The following NELL1 variants were observed in gnomAD, a reference collection of about 807,000 sequenced individuals.
NELL1 encodes the protein neural EGFL like 1, also known as protein kinase C-binding protein NELL1.
Under a neutral mutation model 107.4 loss-of-function variants are expected in NELL1, and 76 were observed. The observed-to-expected ratio is 0.71, with a 90% CI of 0.59 to 0.86. The LOEUF is 0.86. NELL1 is among the 40% of genes least tolerant of loss of function. The pLI, the probability that NELL1 is intolerant of heterozygous loss-of-function variation, is 0.00. For synonymous variants in NELL1, 353 were observed against 341.2 expected (o/e 1.03, Z -0.38); for missense variants, 1,024 against 1,005.5 (o/e 1.02, Z -0.25).
At chr11:20,932,869 G>A (rs1371736538) in intron 9 of NELL1, among the ~76,000 whole-genome samples, 2 of 152,194 alleles carry the variant, frequency 1.3e-5, no homozygotes, top group African/African-American at 4.8e-5. Flanking sequence ...AGACACAGAA[G>A]TCACACAGAG....
At chr11:21,304,938 C>T (rs1200650087) in intron 14 of NELL1, among the ~76,000 whole-genome samples, 1 of 151,860 alleles carries the variant, frequency 6.6e-6, no homozygotes, top group African/African-American at 2.4e-5. Context: ...AACAAGAAGA[C>T]ATTGGTGTAC....
chr11:20,684,777 A>G (rs1235182568), intron 2 of NELL1, among the ~76,000 whole-genome samples: 1 of 152,100 alleles, frequency 6.6e-6, no homozygotes, highest in Non-Finnish European at 1.5e-5. Flanking sequence ...ATGGGCCCAG[A>G]GAAGTGCTAG....
At chr11:20,818,384 C>T (rs886254359) in intron 3 of NELL1, among the ~76,000 whole-genome samples, 1 of 145,100 alleles carries the variant, frequency 6.9e-6, no homozygotes, top group Admixed American at 7.0e-5. Context: ...TGTTTCATCC[C>T]ATATAAGAGA....
At chr11:21,122,400 C>G (rs1855389129) in intron 13 of NELL1, among the ~76,000 whole-genome samples, 2 of 152,198 alleles carry the variant, frequency 1.3e-5, no homozygotes, top group African/African-American at 2.4e-5. Context: ...GGACATTTCT[C>G]TTTAACAACC....
At chr11:21,170,183 A>C in intron 13 of NELL1, 1 of 591,914 alleles carries the variant, frequency 1.7e-6, no homozygotes, top group Non-Finnish European at 3.1e-6. Flanking sequence ...CAGGTGAATT[A>C]GAATAATCCC....
At position 20,857,307 on chromosome 11, in the gene NELL1, G is replaced by GC. The variant is rs572994070; in HGVS notation, c.506+9560dup. ...TAAAACCGTATTTCACCTGCCTATAGCCCCCCGAGTGTTCTTTCAGCCATT... is the reference window on the plus strand; with the variant it reads ...TAAAACCGTATTTCACCTGCCTATAGCCCCCCCGAGTGTTCTTTCAGCCATT... On this transcript the variant is annotated intron_variant, in intron 4 of 19. Transcript: ENST00000357134. Among the ~76,000 whole-genome samples the GC allele has an allele frequency of 5.9e-5, 9 of 152,176 alleles. No homozygotes were observed. The East Asian group carries it at 9.7e-4, about 16-fold the overall frequency.
chr11:20,970,361 A>G (rs1232048254), intron 12 of NELL1, among the ~76,000 whole-genome samples: 1 of 152,130 alleles, frequency 6.6e-6, no homozygotes, highest in Non-Finnish European at 1.5e-5. Context: ...TTAATTGACC[A>G]TCTATTGTGG....
chr11:21,076,311 A>G (rs536436820), intron 12 of NELL1, among the ~76,000 whole-genome samples: 43 of 152,274 alleles, frequency 2.8e-4, no homozygotes, highest in African/African-American at 1.0e-3. Flanking sequence ...TTGGCCCCTC[A>G]CTTTCATCCA....
At chr11:21,105,294 G>A (rs1035783963) in intron 12 of NELL1, among the ~76,000 whole-genome samples, 5 of 152,124 alleles carry the variant, frequency 3.3e-5, no homozygotes, top group African/African-American at 1.2e-4. Context: ...ACCAAAGTGG[G>A]AATTTCTGCC....
chr11:21,528,034 G>A (rs1278598752), intron 15 of NELL1, among the ~76,000 whole-genome samples: 2 of 152,066 alleles, frequency 1.3e-5, no homozygotes, highest in Non-Finnish European at 2.9e-5. Flanking sequence ...CAATCAAATT[G>A]ACACTCAATA....
chr11:20,817,757 T>C (rs1251909950), intron 3 of NELL1, among the ~76,000 whole-genome samples: 2 of 151,878 alleles, frequency 1.3e-5, no homozygotes, highest in African/African-American at 4.8e-5. Flanking sequence ...TTCTAACTTC[T>C]TGGTGTAGAC....
At chr11:21,188,402 C>A (rs1315801156) in intron 13 of NELL1, among the ~76,000 whole-genome samples, 1 of 151,750 alleles carries the variant, frequency 6.6e-6, no homozygotes, top group African/African-American at 2.4e-5. Flanking sequence ...GTGTTTGGCT[C>A]CCATAGCAGG....
At chr11:21,557,671 A>AT (rs780504810) in intron 16 of NELL1, among the ~76,000 whole-genome samples, 35 of 151,998 alleles carry the variant, frequency 2.3e-4, no homozygotes, top group Non-Finnish European at 4.3e-4. Flanking sequence ...AATTTGCTGT[A>AT]TTTTTTCTAC....
chr11:21,084,941 T>A lies in NELL1; in HGVS notation c.1301-28648T>A, dbSNP rs185281385. Among the ~76,000 whole-genome samples the A allele has an allele frequency of 1.7e-3, 262 of 152,238 alleles. 1 individual carries two copies. Among genetic ancestry groups the A allele is most frequent in the African/African-American group, 6.1e-3 (255 of 41,544 alleles). On this transcript the variant is annotated intron_variant, in intron 12 of 19. Coordinates refer to ENST00000357134, the MANE Select transcript of NELL1 (RefSeq NM_006157.5). The stretch of plus-strand genomic sequence containing the variant: ...CTAGCTTTGCCATTTATTAGCAGAG[T>A]GACCCTGGACTAGAACTTGACCACA...
intron 15 of NELL1, among the ~76,000 whole-genome samples, chr11:21,478,555 G>A (rs1403395118): frequency 6.6e-6 from 1 of 152,072 alleles, no homozygotes; most frequent in African/African-American, 2.4e-5. Context: ...TTAAATCTAA[G>A]ACCTCAAATT....
At chr11:20,856,410 CA>C in intron 4 of NELL1, among the ~76,000 whole-genome samples, 3 of 152,336 alleles carry the variant, frequency 2.0e-5, no homozygotes, top group East Asian at 3.9e-4. Flanking sequence ...CATCCCTACT[CA>C]TTAGAGTCTA....
Position 21,140,786 on chromosome 11 carries a change from T to C in NELL1, c.1426+27072T>C, listed in dbSNP as rs191811048. On this transcript the variant is annotated intron_variant, in intron 13 of 19. Transcript: ENST00000357134. ...GGAGGTTTTAAAGTTAGGAAATTAA[T>C]CGTCATCTAGCTGTCATCCTTATTT... Among the ~76,000 whole-genome samples, 631 of 152,310 alleles carry C rather than the reference T, an allele frequency of 4.1e-3. 5 individuals carry two copies. The highest frequency in any genetic ancestry group is 0.014 in the African/African-American group (594 of 41,564).
chr11:21,543,638 A>G (rs1385217387), intron 16 of NELL1, among the ~76,000 whole-genome samples: 1 of 152,054 alleles, frequency 6.6e-6, no homozygotes, highest in African/African-American at 2.4e-5. Flanking sequence ...GAATCTCATC[A>G]GACCCTCTGG....
intron 14 of NELL1, chr11:21,284,621 T>A (rs1357812966): frequency 7.1e-6 from 3 of 423,828 alleles, no homozygotes; most frequent in African/African-American, 6.0e-5. Context: ...TTTATGGCAA[T>A]GTTATCAACA....
Sources: gnomAD v4.1 joint callset for allele counts (sites outside exome capture counted in the v4.1 genomes callset) on GRCh38, gnomAD v4.1.1 for gene constraint, MANE v1.5 for transcripts, NCBI Gene and HGNC (gene_info 2026-07-23, HGNC 2026-07-21) for gene names.